SND1: variants seen among roughly 807,000 people sequenced by gnomAD.
The protein encoded by SND1 is staphylococcal nuclease domain-containing protein 1.
SND1 carries 38 observed loss-of-function variants against 121.7 expected under a neutral mutation model. The observed-to-expected ratio is 0.31, with a 90% CI of 0.24 to 0.41. SND1 has a LOEUF of 0.41. SND1 is among the 10% of genes least tolerant of loss of function. The pLI is 1.00. For missense variants in SND1, 868 were observed against 1,184.6 expected (o/e 0.73, Z 3.92); for synonymous variants, 401 against 447.4 (o/e 0.90, Z 1.31).
At chr7:127,864,098 T>C (rs1192945512) in intron 12 of SND1, among the ~76,000 whole-genome samples, 1 of 152,076 alleles carries the variant, frequency 6.6e-6, no homozygotes, top group African/African-American at 2.4e-5. Flanking sequence ...TGTATAAATG[T>C]TATAAATAAA....
intron 14 of SND1, among the ~76,000 whole-genome samples, chr7:127,921,422 T>A (rs1417216121): frequency 6.6e-6 from 1 of 152,216 alleles, no homozygotes; most frequent in East Asian, 1.9e-4. Flanking sequence ...AGTAGATGAT[T>A]TAAAACATAA....
chr7:127,908,538 A>G (rs1018164771), intron 14 of SND1, among the ~76,000 whole-genome samples: 3 of 152,064 alleles, frequency 2.0e-5, no homozygotes, highest in African/African-American at 7.2e-5. Flanking sequence ...CACTGCTGCC[A>G]TTTCTATCAT....
chr7:127,865,157 T>C (rs1227351651), intron 12 of SND1, among the ~76,000 whole-genome samples: 2 of 152,220 alleles, frequency 1.3e-5, no homozygotes, highest in Non-Finnish European at 2.9e-5. Flanking sequence ...AGAAACACTA[T>C]TGATGATTAC....
At chr7:127,802,653 A>G (rs1798156362) in intron 10 of SND1, among the ~76,000 whole-genome samples, 1 of 152,172 alleles carries the variant, frequency 6.6e-6, no homozygotes, top group Admixed American at 6.5e-5. Flanking sequence ...ATATGCCAAC[A>G]ACTCCCAAAC....
At chr7:128,016,488 T>C (rs990272177) in intron 16 of SND1, among the ~76,000 whole-genome samples, 3 of 152,212 alleles carry the variant, frequency 2.0e-5, no homozygotes, top group Non-Finnish European at 4.4e-5. Context: ...ACCAGTCGTT[T>C]GGTGAGCTCT....
chr7:127,865,584 T>G (rs1212356351), intron 12 of SND1, among the ~76,000 whole-genome samples: 1 of 152,108 alleles, frequency 6.6e-6, no homozygotes, highest in East Asian at 1.9e-4. Context: ...GTCTTGATTC[T>G]GTAATTTTTT....
chr7:127,928,145 G>A (rs575088681), intron 14 of SND1: 1 of 152,320 alleles, frequency 6.6e-6, no homozygotes, highest in South Asian at 2.1e-4. Flanking sequence ...TGGCACTCTG[G>A]AGGATAGAGC....
chr7:127,754,186 A>G, intron 10 of SND1, among the ~76,000 whole-genome samples: 1 of 152,224 alleles, frequency 6.6e-6, no homozygotes, highest in Non-Finnish European at 1.5e-5. Context: ...TTGGAATTGT[A>G]TAGATTATCT....
In SND1 at chr7:127,704,822, T is replaced by G. The variant is rs772940152; in HGVS notation, c.841-17T>G. On this transcript the variant is annotated splice_polypyrimidine_tract_variant and intron_variant, in intron 7 of 23. Coordinates refer to ENST00000354725, the MANE Select transcript of SND1 (RefSeq NM_014390.4). ...GAGTCTAATCCGTGCCTGCCTCTCA[T>G]GTACCTTGTTTTTCAGAATGGCAAC... 6.2e-7 allele frequency: 1 copy of G among 1,603,716 alleles called. No homozygotes were observed. The highest frequency in any genetic ancestry group is 2.2e-5 in the East Asian group (1 of 44,806).
intron 14 of SND1, among the ~76,000 whole-genome samples, chr7:127,926,183 A>G (rs923347553): frequency 1.3e-5 from 2 of 152,156 alleles, no homozygotes; most frequent in Non-Finnish European, 2.9e-5. Flanking sequence ...CACTGAAACA[A>G]ATATTAAAGA....
chr7:128,076,034 A>G (rs1793501234), intron 17 of SND1, among the ~76,000 whole-genome samples: 1 of 152,210 alleles, frequency 6.6e-6, no homozygotes, highest in African/African-American at 2.4e-5. Flanking sequence ...GGCAAGCCCC[A>G]GAGTCTAACG....
chr7:128,002,826 A>G (rs1473433620), intron 16 of SND1, among the ~76,000 whole-genome samples: 1 of 152,218 alleles, frequency 6.6e-6, no homozygotes, highest in Non-Finnish European at 1.5e-5. Flanking sequence ...TACCATGACC[A>G]CAACAATCCA....
intron 15 of SND1, among the ~76,000 whole-genome samples, chr7:127,931,003 A>G (rs1020750203): frequency 6.6e-6 from 1 of 152,186 alleles, no homozygotes; most frequent in Non-Finnish European, 1.5e-5. Context: ...GTGACCAGTG[A>G]TGTTTGATGT....
intron 9 of SND1, among the ~76,000 whole-genome samples, chr7:127,719,700 C>G (rs542168930): frequency 6.6e-6 from 1 of 152,164 alleles, no homozygotes; most frequent in Non-Finnish European, 1.5e-5. Flanking sequence ...TTCTCCTGAT[C>G]TACTCAGTTC....
In SND1 at chr7:127,935,563, G is replaced by C. The variant is rs1801044020; in HGVS notation, c.1669+6234G>C. Among the ~76,000 whole-genome samples, 3 of 152,332 alleles carry C rather than the reference G, an allele frequency of 2.0e-5. No individual in the cohort carries two copies. The South Asian group carries it at 6.2e-4, about 32-fold the overall frequency. ...GGATAATGAATGGAGCAGTGACCTA[G>C]AAGAAGCAGAAGGGATGAGATGCAT... On this transcript the variant is annotated intron_variant, in intron 15 of 23. Transcript: ENST00000354725.
chr7:127,871,041 A>G (rs1304100554), intron 12 of SND1, among the ~76,000 whole-genome samples: 2 of 150,914 alleles, frequency 1.3e-5, no homozygotes, highest in African/African-American at 2.4e-5. Flanking sequence ...TAAGACACAA[A>G]CATACACATT....
rs1421579760 is a variant in SND1, at chr7:128,085,600, C to T, written c.2235-111C>T. 6 of 917,614 alleles carry T rather than the reference C, an allele frequency of 6.5e-6. No individual in the cohort carries two copies. The highest frequency in any genetic ancestry group is 3.7e-5 in the Admixed American group (2 of 54,654). 56.8% of individuals were successfully genotyped at this position (917,614 alleles called of 1,614,324 possible). Reference sequence around the variant, plus strand: ...TGCAGTTACTGTCCCCTGTGACACCCGTTGAACCCAGGCAGGGAAATGCTG... The same window carrying T: ...TGCAGTTACTGTCCCCTGTGACACCTGTTGAACCCAGGCAGGGAAATGCTG... On this transcript the variant is annotated intron_variant, in intron 19 of 23. Coordinates refer to ENST00000354725, the MANE Select transcript of SND1 (RefSeq NM_014390.4). This position sits in a 1 kb window ranked among gnomAD's most constrained non-coding sequence, Gnocchi z 4.4.
chr7:128,013,421 AC>A (rs1429897441), intron 16 of SND1, among the ~76,000 whole-genome samples: 1 of 152,222 alleles, frequency 6.6e-6, no homozygotes, highest in East Asian at 1.9e-4. Context: ...TATGTGAATC[AC>A]CGAAGGGCTA....
chr7:128,038,929 T>A (rs1042111952), intron 16 of SND1, among the ~76,000 whole-genome samples: 1 of 152,224 alleles, frequency 6.6e-6, no homozygotes, highest in Non-Finnish European at 1.5e-5. Flanking sequence ...TGTTATTGAT[T>A]TGCTTAAAAT....
Sources: allele counts gnomAD v4.1 joint callset (sites outside exome capture counted in the v4.1 genomes callset), GRCh38; gene constraint gnomAD v4.1.1; non-coding constraint Gnocchi (gnomAD v3.1); transcripts MANE v1.5; gene names NCBI Gene and HGNC (gene_info 2026-07-23, HGNC 2026-07-21).